Variants in RMDN1 observed in about 807,000 individuals in gnomAD.
RMDN1 encodes regulator of microtubule dynamics 1.
In RMDN1, 48 loss-of-function variants were observed where a neutral mutation model predicts 48.9. That is an observed-to-expected ratio of 0.98 (90% confidence interval 0.78 to 1.25). The LOEUF (loss-of-function observed/expected upper bound fraction) is 1.25. Ranked by LOEUF, RMDN1 falls within the 50% of genes most tolerant of loss-of-function variation. The pLI, the probability that RMDN1 is intolerant of heterozygous loss-of-function variation, is 0.00. For missense variants in RMDN1, 418 were observed against 373.4 expected (o/e 1.12, Z -0.98); for synonymous variants, 148 against 132.6 (o/e 1.12, Z -0.80).
chr8:86,472,688 G>A lies in RMDN1; in HGVS notation c.*1620C>T, dbSNP rs1812739220. 7.5e-6 allele frequency: 4 copies of A among 535,372 alleles called. No individual in the cohort carries two copies. The highest frequency in any genetic ancestry group is 3.8e-5 in the African/African-American group (2 of 52,206). 33.2% of individuals were successfully genotyped at this position (535,372 alleles called of 1,614,324 possible). ...TTTTTTGCCATCCTTGTTCCTGTGC[G>A]AGTTATGTCATATTTTTTACTGTTA... On this transcript the variant is annotated 3_prime_UTR_variant, in exon 10 of 10. Transcript: ENST00000406452.
upstream of RMDN1, chr8:86,508,731 A>G: frequency 6.4e-6 from 9 of 1,406,444 alleles, no homozygotes; most frequent in Non-Finnish European, 8.3e-6. Flanking sequence ...CGCCTCCTGC[A>G]CAGCACCTCT....
Position 86,474,132 on chromosome 8 carries a change from G to A in RMDN1, c.*176C>T, listed in dbSNP as rs369781795. The A allele has an allele frequency of 2.0e-5, 27 of 1,350,112 alleles. No individual in the cohort carries two copies. In the East Asian group the frequency reaches 5.6e-4, roughly 28 times the overall value. 83.6% of individuals were successfully genotyped at this position (1,350,112 alleles called of 1,614,324 possible). On this transcript the variant is annotated 3_prime_UTR_variant, in exon 10 of 10. Coordinates refer to ENST00000406452, the MANE Select transcript of RMDN1 (RefSeq NM_016033.3). Reference sequence around the variant, plus strand: ...GATTTATTTCTACCACTCTTATGGCGATTATTTATTTTACCCTATTATTTG... The same window carrying A: ...GATTTATTTCTACCACTCTTATGGCAATTATTTATTTTACCCTATTATTTG...
chr8:86,488,432 T>A (rs1339449212), intron 3 of RMDN1, 120 bp downstream of exon 3: 1 of 485,364 alleles, frequency 2.1e-6, no homozygotes, highest in Non-Finnish European at 3.7e-6. Context: ...TAAGAAATAT[T>A]TTGAAGTAAA....
chr8:86,469,362 A>C (rs1812360993), downstream of RMDN1, among the ~76,000 whole-genome samples: 1 of 152,198 alleles, frequency 6.6e-6, no homozygotes, highest in South Asian at 2.1e-4. Flanking sequence ...CCTGACTGGT[A>C]AGTTGCATCT....
downstream of RMDN1, among the ~76,000 whole-genome samples, chr8:86,471,105 G>T (rs1330606345): frequency 6.6e-6 from 1 of 150,484 alleles, no homozygotes; most frequent in Non-Finnish European, 1.5e-5. Context: ...GGTTATATGA[G>T]ATGTTAGCAC....
chr8:86,504,100 G>A (rs1818864557), intron 2 of RMDN1: 1 of 1,054,538 alleles, frequency 9.5e-7, no homozygotes, highest in African/African-American at 1.6e-5. Flanking sequence ...CTTTGGTCTG[G>A]AATTCAAATT....
Position 86,486,620 on chromosome 8 carries a change from C to A in RMDN1, c.359G>T (p.Arg120Leu). The change falls in exon 4 of 10, where the codon CGT becomes CTT. Residue 120 changes from arginine (R) to leucine (L), a missense_variant. Physicochemically the swap from Arg to Leu is moderately radical, Grantham distance 102 (BLOSUM62 -2). Transcript: ENST00000406452. The stretch of plus-strand genomic sequence containing the variant: ...TACATCACGTGATGCCCGTGCCAAA[C>A]GCCACAGTAACTCTGCATCTTCACT... ...KESEDAELLW[R>L]LARASRDVAQ... is the part of the protein sequence containing the mutation. 1 of 1,599,408 alleles carries A rather than the reference C, an allele frequency of 6.3e-7. No individual in the cohort carries two copies. The highest frequency in any genetic ancestry group is 1.1e-5 in the South Asian group (1 of 88,726).
chr8:86,482,842 A>T, intron 5 of RMDN1: 1 of 1,146,260 alleles, frequency 8.7e-7, no homozygotes, highest in Non-Finnish European at 1.3e-6. Flanking sequence ...GGTCACTGCG[A>T]GCTCTCTTTG....
rs1812918316 is a variant in RMDN1, at chr8:86,473,855, A to G, written c.*453T>C. The G allele has an allele frequency of 1.0e-6, 1 of 988,664 alleles. No homozygotes were observed. The highest frequency in any genetic ancestry group is 6.0e-5 in the Admixed American group (1 of 16,686). 61.2% of individuals were successfully genotyped at this position (988,664 alleles called of 1,614,324 possible). A position where few individuals can be genotyped will look rare whatever the true frequency, so the allele number is the denominator to read the frequency against. On this transcript the variant is annotated 3_prime_UTR_variant, in exon 10 of 10. Coordinates refer to ENST00000406452, the MANE Select transcript of RMDN1 (RefSeq NM_016033.3). ...AGGTTAGCTCCAAGATATATCATTT[A>G]ACTACTTTATGTCAGGAACCCACAA...
chr8:86,475,885 T>C (rs985060183), intron 8 of RMDN1, among the ~76,000 whole-genome samples: 2 of 152,222 alleles, frequency 1.3e-5, no homozygotes, highest in Admixed American at 1.3e-4. Context: ...TACTCAGTCA[T>C]TCAACAGATT....
At chr8:86,468,969 C>A (rs1812319468), downstream of RMDN1, among the ~76,000 whole-genome samples, 1 of 152,118 alleles carries the variant, frequency 6.6e-6, no homozygotes, top group African/African-American at 2.4e-5. Flanking sequence ...AGGAAACAGA[C>A]AAGAGGGAGG....
chr8:86,511,273 G>T (rs1253925182), upstream of RMDN1, among the ~76,000 whole-genome samples: 1 of 151,992 alleles, frequency 6.6e-6, no homozygotes, highest in East Asian at 1.9e-4. Context: ...AGGAGATCAA[G>T]ACCATCCTGG....
upstream of RMDN1, among the ~76,000 whole-genome samples, chr8:86,509,547 T>C (rs1819930227): frequency 1.3e-5 from 2 of 152,164 alleles, no homozygotes; most frequent in Admixed American, 1.3e-4. Flanking sequence ...AGTCATGGTT[T>C]TAAAAAATTA....
intron 5 of RMDN1, among the ~76,000 whole-genome samples, chr8:86,483,825 GTTTTT>G (rs35596455): frequency 7.7e-6 from 1 of 130,130 alleles, no homozygotes; most frequent in African/African-American, 2.7e-5. Context: ...TTTTGTGGTA[GTTTTT>G]TTTTTTTTTT....
chr8:86,496,238 A>G (rs1817322759), intron 2 of RMDN1, among the ~76,000 whole-genome samples: 1 of 152,236 alleles, frequency 6.6e-6, no homozygotes, highest in South Asian at 2.1e-4. Context: ...CAACTATACA[A>G]TCAAGTTCAC....
intron 2 of RMDN1, chr8:86,504,907 C>T (rs1381108217): frequency 5.3e-6 from 6 of 1,142,174 alleles, no homozygotes; most frequent in African/African-American, 3.0e-5. Context: ...ACCTTCTTGA[C>T]CTTTACCTTC....
chr8:86,476,482 T>A (rs1813397519), intron 8 of RMDN1, among the ~76,000 whole-genome samples: 1 of 152,142 alleles, frequency 6.6e-6, no homozygotes, highest in South Asian at 2.1e-4. Flanking sequence ...GTTTTTATGG[T>A]CTATTTGGTA....
chr8:86,474,127 A>T lies in RMDN1; in HGVS notation c.*181T>A, dbSNP rs1008509072. 1 of 1,348,350 alleles carries T rather than the reference A, an allele frequency of 7.4e-7. No homozygotes were observed. The highest frequency in any genetic ancestry group is 9.5e-7 in the Non-Finnish European group (1 of 1,051,802). 83.5% of individuals were successfully genotyped at this position (1,348,350 alleles called of 1,614,324 possible). ...ATGGAGATTTATTTCTACCACTCTT[A>T]TGGCGATTATTTATTTTACCCTATT... On this transcript the variant is annotated 3_prime_UTR_variant, in exon 10 of 10. Coordinates refer to ENST00000406452, the MANE Select transcript of RMDN1 (RefSeq NM_016033.3).
chr8:86,476,106 G>C (rs986344989), intron 8 of RMDN1, among the ~76,000 whole-genome samples: 1 of 152,164 alleles, frequency 6.6e-6, no homozygotes, highest in African/African-American at 2.4e-5. Flanking sequence ...ACTCAAGAAT[G>C]ACTGAAGTTA....
Sources: gnomAD v4.1 joint callset for allele counts (sites outside exome capture counted in the v4.1 genomes callset) on GRCh38, gnomAD v4.1.1 for gene constraint, MANE v1.5 for transcripts, NCBI Gene and HGNC (gene_info 2026-07-23, HGNC 2026-07-21) for gene names.